MAGIX: variants seen among roughly 807,000 people sequenced by gnomAD.
The protein encoded by MAGIX is PDZ domain-containing protein MAGIX.
MAGIX carries 13 observed loss-of-function variants against 10.0 expected under a neutral mutation model. That is an observed-to-expected ratio of 1.30 (90% CI 0.84 to 2.06). MAGIX has a LOEUF of 2.06. Among genes scored for constraint, MAGIX ranks in the 30% most tolerant of loss-of-function variants. MAGIX has a pLI of 0.00. For missense variants in MAGIX, 235 were observed against 245.2 expected, an observed-to-expected ratio of 0.96 and a Z score of 0.28; for synonymous variants, 108 against 106.8, an observed-to-expected ratio of 1.01 and a Z score of -0.07.
rs367608954 is a variant in MAGIX, at chrX:49,164,820, C to G, written c.60C>G (p.Ser20=). Reference sequence around the variant, plus strand: ...ATCTCATCCTTCTATCGGAGGCCTCCTGCCTCAGGGCAAACTATGTACACC... The same window carrying G: ...ATCTCATCCTTCTATCGGAGGCCTCGTGCCTCAGGGCAAACTATGTACACC... Residue 20 remains serine (S), a synonymous_variant, in exon 3 of 5, where the codon TCC becomes TCG. Coordinates refer to ENST00000616266, the Ensembl canonical transcript of MAGIX. 9.9e-6 allele frequency: 12 copies of G among 1,207,932 alleles called. No homozygotes were observed. The African/African-American group carries it at 2.1e-4, about 21-fold the overall frequency.
intron 1 of MAGIX, chrX:49,162,926 G>T: frequency 1.3e-6 from 1 of 762,555 alleles, no homozygotes; most frequent in East Asian, 4.0e-5. Flanking sequence ...GGACCCTAGG[G>T]GGAGCAGAGG....
In MAGIX at chrX:49,165,033, G is replaced by A. The variant is rs1013322257; in HGVS notation, c.273G>A (p.Pro91=). 5.0e-6 allele frequency: 6 copies of A among 1,210,064 alleles called. No individual in the cohort carries two copies. The East Asian group carries it at 1.2e-4, about 24-fold the overall frequency. The change falls in exon 3 of 5, where the codon CCG becomes CCA. Residue 91 remains proline (P), a synonymous_variant. Transcript: ENST00000616266. ...GCCGGGATGTAGCTGGGGACACTCC[G>A]CTGGCCGTGCGCGGGCTGCTGAAGG...
At chrX:49,165,046 G>A (rs199983611) in exon 3 of MAGIX, 19 of 1,208,393 alleles carry the variant, frequency 1.6e-5, no homozygotes, top group Admixed American at 2.2e-5. Flanking sequence ...GGCCGTGCGC[G>A]GGCTGCTGAA....
At chrX:49,164,578 G>A in intron 2 of MAGIX, 129 bp from the exon 3 acceptor site, 1 of 577,153 alleles carries the variant, frequency 1.7e-6, no homozygotes, top group East Asian at 3.3e-5. Flanking sequence ...TAAATGGTGG[G>A]CCAGTTTGTA....
intron 2 of MAGIX, chrX:49,164,264 C>T (rs181210512): frequency 6.0e-5 from 15 of 247,975 alleles, no homozygotes; most frequent in Non-Finnish European, 1.1e-4. Context: ...ATGTGAGTCA[C>T]GGGGGTGGAG....
In MAGIX at chrX:49,166,057, C is replaced by T. The variant is rs1557097796; in HGVS notation, c.503-17C>T. On this transcript the variant is annotated splice_polypyrimidine_tract_variant and intron_variant, in intron 4 of 4. Coordinates refer to ENST00000616266, the Ensembl canonical transcript of MAGIX. ...TGGATTTCCCTTCCCTACTTCACCACCCAATCTAATCCGTAGTCCCGTCAT... is the reference window on the plus strand; with the variant it reads ...TGGATTTCCCTTCCCTACTTCACCATCCAATCTAATCCGTAGTCCCGTCAT... 1.7e-6 allele frequency: 2 copies of T among 1,201,804 alleles called. No homozygotes were observed. The highest frequency in any genetic ancestry group is 2.2e-5 in the Admixed American group (1 of 45,751).
At chrX:49,167,974 G>T (rs1557098648) in exon 5 of MAGIX, 1 of 111,812 alleles carries the variant, frequency 8.9e-6, no homozygotes, top group Non-Finnish European at 1.9e-5. Flanking sequence ...GTCAAAGCAC[G>T]ATTTAATCAA....
In MAGIX at chrX:49,164,764, C is replaced by T. The variant is rs782716990; in HGVS notation, c.4C>T (p.Pro2Ser). ...GTCACAGACAGTCGCCTGCCTCATG[C>T]CACTATTGTGGATCACCGGCCCCAG... The change falls in exon 3 of 5, where the codon CCA becomes TCA. Residue 2 changes from proline to serine, a missense_variant. Coordinates refer to ENST00000616266, the Ensembl canonical transcript of MAGIX. The T allele has an allele frequency of 1.7e-5, 21 of 1,210,417 alleles. No individual in the cohort carries two copies. In the Admixed American group the frequency reaches 3.9e-4, roughly 23 times the overall value.
chrX:49,164,334 A>C, intron 2 of MAGIX: 1 of 313,744 alleles, frequency 3.2e-6, no homozygotes. Flanking sequence ...GTTAGAGGCT[A>C]ATTAGAGGGC....
chrX:49,168,412 G>A (rs1223028112), exon 5 of MAGIX: 1 of 99,052 alleles, frequency 1.0e-5, no homozygotes, highest in Non-Finnish European at 2.0e-5. Flanking sequence ...AGGTTGCAGC[G>A]AGCCAAGATC....
exon 5 of MAGIX, chrX:49,166,349 G>A: frequency 2.6e-6 from 3 of 1,162,389 alleles, no homozygotes; most frequent in Non-Finnish European, 3.5e-6. Context: ...AGGGGTCCGG[G>A]GGGCAGCGCA....
Position 49,163,815 on chromosome X carries a change from G to T in MAGIX, c.-169G>T. ...CCCCTCCCCGCTCGCGGGCCCTAGC[G>T]CCCGGCAGCTCCTGGCGCGGTTGGA... On this transcript the variant is annotated 5_prime_UTR_variant, in exon 2 of 5. Coordinates refer to ENST00000616266, the Ensembl canonical transcript of MAGIX. 1.3e-5 allele frequency: 14 copies of T among 1,050,546 alleles called. No homozygotes were observed. The South Asian group carries it at 1.4e-4, about 10-fold the overall frequency. 86.6% of individuals were successfully genotyped at this position (1,050,546 alleles called of 1,213,427 possible).
At chrX:49,165,195 GGACCTCGTGCTCCACATCAACGGA>G (rs782156460) in exon 4 of MAGIX, 4 of 1,191,404 alleles carry the variant, frequency 3.4e-6, no homozygotes, top group Admixed American at 4.7e-5. Flanking sequence ...TCCAGGTCGG[GGACCTCGTGCTCCACATCAACGGA>G]GAGTCAACGC....
downstream of MAGIX, among the ~76,000 whole-genome samples, chrX:49,168,774 CAAAAAAAAAAA>C (rs35343968): frequency 5.9e-5 from 1 of 16,902 alleles, no homozygotes; most frequent in Non-Finnish European, 9.6e-5. Flanking sequence ...GACCTTATCT[CAAAAAAAAAAA>C]AAAAAAAAAA....
intron 4 of MAGIX, 142 bp downstream of exon 5, chrX:49,165,503 G>C: frequency 1.8e-6 from 1 of 552,533 alleles, no homozygotes; most frequent in Non-Finnish European, 2.8e-6. Context: ...ATTCTCACAA[G>C]TAGGGGCAGG....
exon 5 of MAGIX, chrX:49,166,572 C>T (rs371336120): frequency 2.3e-6 from 1 of 435,048 alleles, no homozygotes. Flanking sequence ...ACGACCCTTC[C>T]AGCCGGCTAG....
In MAGIX at chrX:49,162,956, G is replaced by A. The variant is rs1435588099; in HGVS notation, c.-202+211G>A. 4 of 612,838 alleles carry A rather than the reference G, an allele frequency of 6.5e-6. No individual in the cohort carries two copies. The highest frequency in any genetic ancestry group is 2.4e-5 in the African/African-American group (1 of 41,440). The allele number at this position is 612,838 out of a possible 1,213,427, so 50.5% of individuals were successfully genotyped here. ...CAGAGGAGGTACAGGGATTGGGGTCGTTGGGGAAGGACAGGGCGAGTCGCC... is the reference window on the plus strand; with the variant it reads ...CAGAGGAGGTACAGGGATTGGGGTCATTGGGGAAGGACAGGGCGAGTCGCC... On this transcript the variant is annotated intron_variant, in intron 1 of 4. Transcript: ENST00000616266.
At chrX:49,163,721 C>A in intron 1 of MAGIX, 62 bp from the exon 2 acceptor site, 2 of 968,300 alleles carry the variant, frequency 2.1e-6, no homozygotes, top group Non-Finnish European at 1.3e-6. Context: ...TTCGAGCGTC[C>A]GGAAGCATAG....
chrX:49,166,274 G>A (rs1557098018), exon 5 of MAGIX: 4 of 1,194,018 alleles, frequency 3.4e-6, no homozygotes, highest in Non-Finnish European at 4.5e-6. Flanking sequence ...GGATCCCAAC[G>A]ACCAGATCCC....
Sources: allele counts gnomAD v4.1 joint callset (sites outside exome capture counted in the v4.1 genomes callset), GRCh38; gene constraint gnomAD v4.1.1; transcripts MANE v1.5; gene names NCBI Gene and HGNC (gene_info 2026-07-23, HGNC 2026-07-21).